Variants in NPAS3 observed in about 807,000 individuals in gnomAD.
The protein encoded by NPAS3 is neuronal PAS domain protein 3.
NPAS3 carries 14 observed loss-of-function variants against 73.1 expected under a neutral mutation model. The ratio of observed to expected loss-of-function variants is 0.19; its 90% CI spans 0.13 to 0.30. The LOEUF is 0.30. Among genes scored for constraint, NPAS3 ranks in the 10% least tolerant of loss-of-function variants. The pLI is 1.00. For missense variants in NPAS3, 1,096 were observed against 1,250.0 expected, an observed-to-expected ratio of 0.88 and a Z score of 1.86; for synonymous variants, 620 against 541.5, an observed-to-expected ratio of 1.14 and a Z score of -2.01.
At chr14:32,978,635 C>A (rs2037783361) in intron 1 of NPAS3, among the ~76,000 whole-genome samples, 1 of 152,018 alleles carries the variant, frequency 6.6e-6, no homozygotes, top group East Asian at 1.9e-4. Flanking sequence ...TGTCTAGGTT[C>A]CATTCTCTCC....
At chr14:33,611,043 A>G (rs1053954038) in intron 5 of NPAS3, 6 of 152,220 alleles carry the variant, frequency 3.9e-5, no homozygotes, top group African/African-American at 1.4e-4. Flanking sequence ...CCTAACGTTC[A>G]GTTCATAACT....
At chr14:33,661,906 A>G (rs1304025800) in intron 5 of NPAS3, among the ~76,000 whole-genome samples, 1 of 152,084 alleles carries the variant, frequency 6.6e-6, no homozygotes, top group African/African-American at 2.4e-5. Flanking sequence ...ACCTTTCTCA[A>G]CCAATGCATT....
intron 2 of NPAS3, among the ~76,000 whole-genome samples, chr14:33,082,934 T>G (rs2041904990): frequency 1.3e-5 from 2 of 152,124 alleles, no homozygotes; most frequent in African/African-American, 4.8e-5. Context: ...TCACAGCACC[T>G]TGGGAGGCTG....
chr14:33,135,199 G>A (rs1042851697), intron 2 of NPAS3, among the ~76,000 whole-genome samples: 1 of 152,188 alleles, frequency 6.6e-6, no homozygotes, highest in Non-Finnish European at 1.5e-5. Flanking sequence ...CCTTTTCTAA[G>A]CAATCCCTGA....
intron 7 of NPAS3, among the ~76,000 whole-genome samples, chr14:33,770,419 T>C (rs1011449430): frequency 2.0e-5 from 3 of 152,332 alleles, no homozygotes; most frequent in Admixed American, 2.0e-4. Context: ...CTTGATCAGA[T>C]ACTGAATCAT....
At chr14:33,174,790 A>C (rs549987164) in intron 2 of NPAS3, among the ~76,000 whole-genome samples, 2 of 152,340 alleles carry the variant, frequency 1.3e-5, no homozygotes, top group Non-Finnish European at 2.9e-5. Flanking sequence ...GTGGAGATGA[A>C]GAGGGCCTTA....
At chr14:33,184,067 A>T (rs17470187) in intron 2 of NPAS3, among the ~76,000 whole-genome samples, 19,870 of 152,162 alleles carry the variant, frequency 0.13, 1,691 homozygotes, top group Non-Finnish European at 0.2. Context: ...GTAGCATGGC[A>T]GTACCCTGAG....
chr14:32,995,223 C>T (rs1372808090), intron 1 of NPAS3, among the ~76,000 whole-genome samples: 1 of 152,168 alleles, frequency 6.6e-6, no homozygotes, highest in East Asian at 1.9e-4. Flanking sequence ...CAACTCCCTC[C>T]CTTCAGTAGG....
chr14:33,154,098 G>C (rs1382969072), intron 2 of NPAS3, among the ~76,000 whole-genome samples: 6 of 152,042 alleles, frequency 3.9e-5, no homozygotes, highest in South Asian at 2.1e-4. Context: ...AGGTAGAATT[G>C]GCCTTCTCTC....
intron 1 of NPAS3, among the ~76,000 whole-genome samples, chr14:33,001,662 C>T (rs916853082): frequency 1.3e-5 from 2 of 152,116 alleles, no homozygotes; most frequent in Non-Finnish European, 2.9e-5. Context: ...GCCTCTTCAG[C>T]CTGTTCTTTC....
At chr14:33,649,282 C>T (rs748530759) in intron 5 of NPAS3, among the ~76,000 whole-genome samples, 7 of 152,208 alleles carry the variant, frequency 4.6e-5, no homozygotes, top group Non-Finnish European at 1.0e-4. Context: ...CTTACAGCAG[C>T]TGGCCAGATG....
At chr14:33,546,418 C>A (rs12436118) in intron 4 of NPAS3, among the ~76,000 whole-genome samples, 1 of 151,992 alleles carries the variant, frequency 6.6e-6, no homozygotes, top group South Asian at 2.1e-4. Context: ...TCCTAATATA[C>A]TATAAGGGGC....
chr14:33,579,048 G>C (rs144608108), intron 5 of NPAS3, among the ~76,000 whole-genome samples: 1 of 152,314 alleles, frequency 6.6e-6, no homozygotes, highest in Non-Finnish European at 1.5e-5. Flanking sequence ...CTATGTGCCA[G>C]AAACAATATT....
At chr14:33,680,504 GTA>G (rs2059904241) in intron 6 of NPAS3, 3 of 673,110 alleles carry the variant, frequency 4.5e-6, no homozygotes, top group Non-Finnish European at 8.0e-6. Flanking sequence ...GGGGTTTTTT[GTA>G]TTTCTTTCTA....
chr14:33,401,043 C>A (rs894066174), intron 4 of NPAS3, among the ~76,000 whole-genome samples: 2 of 151,994 alleles, frequency 1.3e-5, no homozygotes, highest in Non-Finnish European at 2.9e-5. Context: ...AAAGTTATAA[C>A]AGTTCTTTTG....
In NPAS3 at chr14:33,024,142, A is replaced by ATGTGTGTGTGTG. The variant is rs5807700; in HGVS notation, c.51-31745_51-31734dup. On this transcript the variant is annotated intron_variant, in intron 1 of 11. Coordinates refer to ENST00000356141, the Ensembl canonical transcript of NPAS3. ...TGTATATATATGTGTGTGTGTGTAT[A>ATGTGTGTGTGTG]TGTGTGTGTGTGTGTGTGTGTGTGT... 6.3e-4 allele frequency among the ~76,000 whole-genome samples: 90 copies of ATGTGTGTGTGTG among 143,244 alleles called. 1 individual carries two copies. The highest frequency in any genetic ancestry group is 3.5e-3 in the Middle Eastern group (1 of 282). 94.0% of individuals were successfully genotyped at this position (143,244 alleles called of 152,430 possible). A position where few individuals can be genotyped will look rare whatever the true frequency, so the allele number is the denominator to read the frequency against.
rs549819558 is a variant in NPAS3, at chr14:33,343,670, G to A, written c.386-23516G>A. Among the ~76,000 whole-genome samples the A allele has an allele frequency of 1.2e-3, 187 of 152,298 alleles. 2 individuals carry two copies. The highest frequency in any genetic ancestry group is 6.8e-3 in the Middle Eastern group (2 of 294). The stretch of plus-strand genomic sequence containing the variant: ...GGACATCTTGATATTTGCTAGGCAA[G>A]GTCTCGTTCGTGGTTTGAAAACAAA... On this transcript the variant is annotated intron_variant, in intron 3 of 11. Coordinates refer to ENST00000356141, the Ensembl canonical transcript of NPAS3.
intron 4 of NPAS3, among the ~76,000 whole-genome samples, chr14:33,551,748 C>G (rs569879812): frequency 6.6e-6 from 1 of 152,110 alleles, no homozygotes; most frequent in African/African-American, 2.4e-5. Flanking sequence ...TATTTATTAC[C>G]CGTGGGGTCC....
intron 4 of NPAS3, among the ~76,000 whole-genome samples, chr14:33,398,445 A>G (rs1160284323): frequency 6.6e-6 from 1 of 150,522 alleles, no homozygotes; most frequent in Non-Finnish European, 1.5e-5. Flanking sequence ...ACCCAGTGAT[A>G]TATTCTGAGC....
Sources: allele counts gnomAD v4.1 joint callset (sites outside exome capture counted in the v4.1 genomes callset), GRCh38; gene constraint gnomAD v4.1.1; transcripts MANE v1.5; gene names NCBI Gene and HGNC (gene_info 2026-07-23, HGNC 2026-07-21).